LRRC8C: variants seen among roughly 807,000 people sequenced by gnomAD.
The protein encoded by LRRC8C is volume-regulated anion channel subunit LRRC8C.
Under a neutral mutation model 55.3 loss-of-function variants are expected in LRRC8C, and 20 were observed. That is an observed-to-expected ratio of 0.36 (90% CI 0.25 to 0.53). The LOEUF (loss-of-function observed/expected upper bound fraction) is 0.53. LRRC8C is among the 20% of genes least tolerant of loss of function. The pLI is 0.92. For synonymous variants in LRRC8C, 376 were observed against 360.7 expected, an observed-to-expected ratio of 1.04 and a Z score of -0.48; for missense variants, 659 against 951.4, an observed-to-expected ratio of 0.69 and a Z score of 4.04.
intron 1 of LRRC8C, among the ~76,000 whole-genome samples, chr1:89,651,896 A>G (rs937078576): frequency 1.3e-5 from 2 of 152,208 alleles, no homozygotes; most frequent in African/African-American, 4.8e-5. Flanking sequence ...GGTCAACTGC[A>G]TGGGTCATAT....
Position 89,715,572 on chromosome 1 carries a change from G to A in LRRC8C, c.*590G>A, listed in dbSNP as rs1199820807. On this transcript the variant is annotated 3_prime_UTR_variant, in exon 3 of 3. Coordinates refer to ENST00000370454, the MANE Select transcript of LRRC8C (RefSeq NM_032270.5). Reference sequence around the variant, plus strand: ...GACAGTTATTGTTATCCTTAGGCAAGGTTTTTGTGAGTGAAGAAAATAATC... The same window carrying A: ...GACAGTTATTGTTATCCTTAGGCAAAGTTTTTGTGAGTGAAGAAAATAATC... 1.3e-5 allele frequency: 2 copies of A among 152,114 alleles called. No individual in the cohort carries two copies. The highest frequency in any genetic ancestry group is 2.4e-5 in the African/African-American group (1 of 41,416). 9.4% of individuals were successfully genotyped at this position (152,114 alleles called of 1,614,324 possible). A position where few individuals can be genotyped will look rare whatever the true frequency, so the allele number is the denominator to read the frequency against.
At chr1:89,645,830 G>T (rs1269119704) in intron 1 of LRRC8C, among the ~76,000 whole-genome samples, 3 of 151,862 alleles carry the variant, frequency 2.0e-5, no homozygotes, top group African/African-American at 7.3e-5. Flanking sequence ...ATATCTTATG[G>T]GCCAAAGAAA....
chr1:89,706,826 A>C lies in LRRC8C; in HGVS notation c.139-5883A>C, dbSNP rs1282368858. 2.6e-5 allele frequency among the ~76,000 whole-genome samples: 4 copies of C among 152,146 alleles called. No homozygotes were observed. The East Asian group carries it at 7.7e-4, about 29-fold the overall frequency. ...AAAAGCAAGAAATTCAGCTTATTTC[A>C]TTGACCTTAGAATTGAGGAAGGATC... On this transcript the variant is annotated intron_variant, in intron 2 of 2. Transcript: ENST00000370454.
upstream of LRRC8C, chr1:89,633,012 C>G (rs1443227629): frequency 6.6e-6 from 1 of 151,822 alleles, no homozygotes; most frequent in Non-Finnish European, 1.5e-5. Flanking sequence ...GGGCCGGGCG[C>G]TGGGCGGCGC....
At chr1:89,687,461 G>C (rs889696580) in intron 2 of LRRC8C, among the ~76,000 whole-genome samples, 1 of 152,198 alleles carries the variant, frequency 6.6e-6, no homozygotes, top group Non-Finnish European at 1.5e-5. Flanking sequence ...GAAACTGTCA[G>C]TAGAACTGGC....
chr1:89,657,765 C>T (rs958103186), intron 1 of LRRC8C, among the ~76,000 whole-genome samples: 4 of 146,168 alleles, frequency 2.7e-5, no homozygotes, highest in African/African-American at 7.5e-5. Flanking sequence ...AAAAAAGATG[C>T]TTAGTATAAT....
chr1:89,625,606 G>A, the LRRC8C span, among the ~76,000 whole-genome samples: 59 of 152,196 alleles, frequency 3.9e-4, no homozygotes, highest in African/African-American at 1.4e-3. Context: ...GACAGAGCAT[G>A]TGCGCATGGC....
At chr1:89,656,742 A>G (rs1656953962) in intron 1 of LRRC8C, among the ~76,000 whole-genome samples, 2 of 152,346 alleles carry the variant, frequency 1.3e-5, no homozygotes, top group Non-Finnish European at 2.9e-5. Context: ...GGCACTTTCC[A>G]TGAACAGCAG....
chr1:89,648,805 A>G (rs900124234), intron 1 of LRRC8C, among the ~76,000 whole-genome samples: 9 of 152,170 alleles, frequency 5.9e-5, no homozygotes, highest in African/African-American at 1.9e-4. Context: ...AGATTTGCCT[A>G]TTCTGGACAG....
chr1:89,653,479 T>A (rs1017667138), intron 1 of LRRC8C, among the ~76,000 whole-genome samples: 9 of 152,344 alleles, frequency 5.9e-5, no homozygotes, highest in African/African-American at 2.2e-4. Context: ...CAATAATGTT[T>A]AGTATTCTTG....
intron 1 of LRRC8C, among the ~76,000 whole-genome samples, chr1:89,652,647 T>C (rs1656823461): frequency 6.6e-6 from 1 of 151,848 alleles, no homozygotes. Flanking sequence ...AAAGGGAAAA[T>C]AAAAGAGGAC....
chr1:89,674,312 A>C (rs761029602), intron 1 of LRRC8C, among the ~76,000 whole-genome samples: 3 of 152,190 alleles, frequency 2.0e-5, no homozygotes, highest in Non-Finnish European at 4.4e-5. Context: ...GAAACTTTTC[A>C]TGCCCTTTCT....
intron 1 of LRRC8C, among the ~76,000 whole-genome samples, chr1:89,680,513 G>T (rs553595100): frequency 2.8e-5 from 4 of 144,404 alleles, no homozygotes. Context: ...ATTTGAATTG[G>T]TAGTTGATAA....
intron 2 of LRRC8C, among the ~76,000 whole-genome samples, chr1:89,702,584 T>G (rs1486154333): frequency 2.0e-5 from 3 of 150,544 alleles, no homozygotes; most frequent in African/African-American, 7.4e-5. Flanking sequence ...AAATAAAAAT[T>G]AAAAAATAAA....
chr1:89,709,807 A>G (rs1198181141), intron 2 of LRRC8C, among the ~76,000 whole-genome samples: 4 of 146,862 alleles, frequency 2.7e-5, no homozygotes, highest in African/African-American at 5.1e-5. Flanking sequence ...GCTGGAGTGC[A>G]GTGGCGCGAT....
the LRRC8C span, chr1:89,625,103 C>T: frequency 6.6e-6 from 1 of 152,092 alleles, no homozygotes; most frequent in Admixed American, 6.6e-5. Flanking sequence ...ACTGGTCTGC[C>T]CTGCCTGTAG....
intron 1 of LRRC8C, among the ~76,000 whole-genome samples, chr1:89,664,325 G>T (rs1401036967): frequency 6.6e-6 from 1 of 152,174 alleles, no homozygotes; most frequent in Non-Finnish European, 1.5e-5. Context: ...TGTATAATGT[G>T]TAAGGAAGGG....
intron 1 of LRRC8C, among the ~76,000 whole-genome samples, chr1:89,667,710 G>A (rs1657310242): frequency 6.6e-6 from 1 of 152,112 alleles, no homozygotes; most frequent in Admixed American, 6.6e-5. Flanking sequence ...CCTTAAAAGA[G>A]CTAAAACTTT....
chr1:89,691,649 A>G (rs964512488), intron 2 of LRRC8C, among the ~76,000 whole-genome samples: 2 of 152,202 alleles, frequency 1.3e-5, no homozygotes, highest in African/African-American at 4.8e-5. Flanking sequence ...TGAGAATTCC[A>G]AAGTGTAGAA....
Sources: allele counts gnomAD v4.1 joint callset (sites outside exome capture counted in the v4.1 genomes callset), GRCh38; gene constraint gnomAD v4.1.1; transcripts MANE v1.5; gene names NCBI Gene and HGNC (gene_info 2026-07-23, HGNC 2026-07-21).